The following PHF14 variants were observed in gnomAD, a reference collection of about 807,000 sequenced individuals.
PHF14 encodes PHD finger protein 14.
PHF14 carries 55 observed loss-of-function variants against 117.9 expected under a neutral mutation model. That is an observed-to-expected ratio of 0.47 (90% CI 0.38 to 0.58). PHF14 has a LOEUF of 0.58. Among genes scored for constraint, PHF14 ranks in the 20% least tolerant of loss-of-function variants. The pLI is 0.00. For missense variants in PHF14, 978 were observed against 1,122.2 expected (o/e 0.87, Z 1.84); for synonymous variants, 409 against 368.6 (o/e 1.11, Z -1.26).
At chr7:10,977,128 AG>A (rs1252746997) in intron 2 of PHF14, among the ~76,000 whole-genome samples, 1 of 151,946 alleles carries the variant, frequency 6.6e-6, no homozygotes, top group Non-Finnish European at 1.5e-5. Flanking sequence ...GTATATATTT[AG>A]TTGGAGTCTT....
At chr7:11,057,407 C>T (rs1738329722) in intron 14 of PHF14, among the ~76,000 whole-genome samples, 1 of 152,070 alleles carries the variant, frequency 6.6e-6, no homozygotes, top group Non-Finnish European at 1.5e-5. Context: ...CAGAGTCTTG[C>T]TCTGTCGCCC....
At chr7:11,070,541 ATTTTC>A (rs1428957186) in intron 16 of PHF14, among the ~76,000 whole-genome samples, 1 of 152,008 alleles carries the variant, frequency 6.6e-6, no homozygotes, top group African/African-American at 2.4e-5. Flanking sequence ...ATTTGGGCAT[ATTTTC>A]TTCTTCCTTC....
intron 4 of PHF14, among the ~76,000 whole-genome samples, chr7:11,008,757 C>A (rs117331072): frequency 6.6e-6 from 1 of 151,848 alleles, no homozygotes; most frequent in Non-Finnish European, 1.5e-5. Flanking sequence ...CTTTTTTGGC[C>A]GGGCGCGGTG....
chr7:11,062,182 C>T, intron 16 of PHF14, 97 bp downstream of exon 16: 1 of 1,023,894 alleles, frequency 9.8e-7, no homozygotes, highest in South Asian at 1.9e-5. Context: ...AGGATAAGAC[C>T]TTTCTTAAAA....
chr7:11,057,247 A>G (rs1446422088), intron 14 of PHF14, among the ~76,000 whole-genome samples: 1 of 152,228 alleles, frequency 6.6e-6, no homozygotes, highest in African/African-American at 2.4e-5. Flanking sequence ...ACTTGATTGC[A>G]AATTAAAATA....
At chr7:10,994,910 G>A (rs781004264) in intron 4 of PHF14, among the ~76,000 whole-genome samples, 33 of 152,152 alleles carry the variant, frequency 2.2e-4, no homozygotes, top group Middle Eastern at 3.2e-3. Flanking sequence ...AAGGGGACCC[G>A]AGCGGGTTGC....
chr7:11,165,243 T>C (rs1789168639), intron 17 of PHF14, among the ~76,000 whole-genome samples: 1 of 152,126 alleles, frequency 6.6e-6, no homozygotes, highest in Non-Finnish European at 1.5e-5. Flanking sequence ...TTTTGAAGAC[T>C]ACTGTTTAAT....
chr7:11,106,977 T>C, intron 16 of PHF14: 1 of 983,528 alleles, frequency 1.0e-6, no homozygotes, highest in Non-Finnish European at 1.2e-6. Context: ...TGTACATCCT[T>C]GTTCAAGTCT....
intron 17 of PHF14, among the ~76,000 whole-genome samples, chr7:11,123,834 C>G (rs1223584584): frequency 6.8e-6 from 1 of 147,398 alleles, no homozygotes; most frequent in African/African-American, 2.7e-5. Flanking sequence ...GGGTGAATCG[C>G]TTGAACCCAG....
At chr7:11,016,518 A>G (rs960210408) in intron 5 of PHF14, among the ~76,000 whole-genome samples, 1 of 152,132 alleles carries the variant, frequency 6.6e-6, no homozygotes, top group Non-Finnish European at 1.5e-5. Flanking sequence ...TTTTTATTTT[A>G]TATCTTATGG....
In PHF14 at chr7:11,029,407, G is replaced by A. The variant is rs993814948; in HGVS notation, c.1455+589G>A. ...TTTTCTGAACTCTGTTCTTTCATGA[G>A]TATTAGTGGAGACTTCCAGAGATTA... On this transcript the variant is annotated intron_variant, in intron 7 of 17. Transcript: ENST00000634607. Among the ~76,000 whole-genome samples, 16 of 152,250 alleles carry A rather than the reference G, an allele frequency of 1.1e-4. 1 individual carries two copies. Among genetic ancestry groups the A allele is most frequent in the African/African-American group, 3.9e-4 (16 of 41,558 alleles).
At chr7:11,089,964 T>A (rs1583456067) in intron 16 of PHF14, among the ~76,000 whole-genome samples, 1 of 152,042 alleles carries the variant, frequency 6.6e-6, no homozygotes, top group African/African-American at 2.4e-5. Context: ...AAAGACGGGG[T>A]TTCTCCATGT....
At chr7:11,008,322 T>C (rs1783198792) in intron 4 of PHF14, among the ~76,000 whole-genome samples, 1 of 152,180 alleles carries the variant, frequency 6.6e-6, no homozygotes, top group Non-Finnish European at 1.5e-5. Context: ...TTTGGTACTT[T>C]ACTTCTTTTG....
At chr7:11,080,992 A>G (rs964347483) in intron 16 of PHF14, among the ~76,000 whole-genome samples, 3 of 152,210 alleles carry the variant, frequency 2.0e-5, no homozygotes, top group Admixed American at 6.5e-5. Flanking sequence ...CTTCACCATT[A>G]TACAATTCAT....
At chr7:11,094,870 C>T (rs117993536) in intron 16 of PHF14, among the ~76,000 whole-genome samples, 2 of 152,242 alleles carry the variant, frequency 1.3e-5, no homozygotes, top group East Asian at 3.9e-4. Flanking sequence ...CACTTGGTTG[C>T]CCTCTGACAT....
chr7:11,025,487 C>T (rs1455669520), intron 6 of PHF14, among the ~76,000 whole-genome samples: 1 of 152,134 alleles, frequency 6.6e-6, no homozygotes, highest in Non-Finnish European at 1.5e-5. Context: ...CAGCAAACTT[C>T]ATTGTTTTAT....
In PHF14 at chr7:10,982,385, T is replaced by G; in HGVS notation, c.126T>G (p.Ser42Arg). The G allele has an allele frequency of 5.2e-6, 8 of 1,543,314 alleles. No individual in the cohort carries two copies. The highest frequency in any genetic ancestry group is 2.3e-5 in the Admixed American group (1 of 44,072). ...TATTTTCAACAGATTCTGAAGGGAG[T>G]GGTAATGGAAGTGAAGATGCTTCAA... ...KVGDASDSEG[S>R]GNGSEDASKD... Residue 42 changes from serine to arginine, a missense_variant, in exon 3 of 18, where the codon AGT (serine) becomes AGG (arginine). By Grantham distance (110) the Ser-to-Arg change is moderately radical. This residue lies in a region of PHF14 where 414 missense variants were observed against 376.4 expected (regional missense o/e 1.10). Transcript: ENST00000634607.
At chr7:10,999,371 C>G (rs1338930520) in intron 4 of PHF14, among the ~76,000 whole-genome samples, 4 of 152,146 alleles carry the variant, frequency 2.6e-5, no homozygotes, top group African/African-American at 4.8e-5. Flanking sequence ...TCTCTTGTTG[C>G]TGATATTTGG....
At chr7:11,107,889 T>C in intron 16 of PHF14, 1 of 243,460 alleles carries the variant, frequency 4.1e-6, no homozygotes, top group Non-Finnish European at 6.6e-6. Flanking sequence ...AAACCATAAA[T>C]AGGTCAATAA....
Sources: gnomAD v4.1 joint callset for allele counts (sites outside exome capture counted in the v4.1 genomes callset) on GRCh38, gnomAD v4.1.1 for gene constraint, gnomAD v4.1.1 regional missense constraint, MANE v1.5 for transcripts, NCBI Gene and HGNC (gene_info 2026-07-23, HGNC 2026-07-21) for gene names.